Variants in KIFAP3 observed in about 807,000 individuals in gnomAD.
The protein encoded by KIFAP3 is kinesin associated protein 3, also known as kinesin-associated protein 3.
Under a neutral mutation model 106.5 loss-of-function variants are expected in KIFAP3, and 68 were observed. That is an observed-to-expected ratio of 0.64 (90% CI 0.53 to 0.78). The LOEUF (loss-of-function observed/expected upper bound fraction) is 0.78. KIFAP3 is among the 30% of genes least tolerant of loss of function. The pLI is 0.00. For synonymous variants in KIFAP3, 320 were observed against 311.5 expected (o/e 1.03, Z -0.29); for missense variants, 780 against 941.8 (o/e 0.83, Z 2.25).
intron 10 of KIFAP3, among the ~76,000 whole-genome samples, chr1:170,004,352 A>T (rs1388702559): frequency 6.6e-6 from 1 of 152,188 alleles, no homozygotes; most frequent in African/African-American, 2.4e-5. Context: ...ATTGGAAAAA[A>T]CTACTTTAAA....
At chr1:169,953,162 G>A (rs1233655362) in intron 19 of KIFAP3, among the ~76,000 whole-genome samples, 4 of 151,994 alleles carry the variant, frequency 2.6e-5, no homozygotes, top group Admixed American at 1.3e-4. Flanking sequence ...ACTTTCTGGC[G>A]AGATTTTAAA....
chr1:170,006,486 G>T (rs539310861), intron 10 of KIFAP3, among the ~76,000 whole-genome samples: 2 of 152,116 alleles, frequency 1.3e-5, no homozygotes, highest in South Asian at 4.1e-4. Context: ...GGTGGGTGGT[G>T]CACAGGTAGT....
intron 9 of KIFAP3, among the ~76,000 whole-genome samples, chr1:170,020,582 G>C (rs1668759783): frequency 6.6e-6 from 1 of 152,054 alleles, no homozygotes; most frequent in South Asian, 2.1e-4. Context: ...CGAGTAGCTG[G>C]GACTACAGGT....
In KIFAP3 at chr1:169,999,091, C is replaced by T. The variant is rs139451933; in HGVS notation, c.1184-6836G>A. ...AATTTGCAGATCACATAGCAATAAACAGCTATTAGAGAGATTAAATGGTCT... is the reference window on the plus strand; with the variant it reads ...AATTTGCAGATCACATAGCAATAAATAGCTATTAGAGAGATTAAATGGTCT... On this transcript the variant is annotated intron_variant, in intron 10 of 19. Transcript: ENST00000361580. Among the ~76,000 whole-genome samples the T allele has an allele frequency of 2.9e-3, 440 of 152,188 alleles. 1 individual carries two copies. The Middle Eastern group carries it at 0.044, about 15-fold the overall frequency.
chr1:169,950,643 C>T (rs1402193646), intron 19 of KIFAP3, among the ~76,000 whole-genome samples: 1 of 152,036 alleles, frequency 6.6e-6, no homozygotes, highest in Admixed American at 6.6e-5. Flanking sequence ...ATTAAGTCTG[C>T]TTATTCTCAT....
chr1:170,072,536 A>G (rs1352889892), intron 1 of KIFAP3, among the ~76,000 whole-genome samples: 1 of 152,220 alleles, frequency 6.6e-6, no homozygotes, highest in African/African-American at 2.4e-5. Context: ...GGCAAGTTCC[A>G]GATAAAGGAA....
At chr1:169,996,516 T>C (rs1470579762) in intron 10 of KIFAP3, among the ~76,000 whole-genome samples, 1 of 151,978 alleles carries the variant, frequency 6.6e-6, no homozygotes, top group African/African-American at 2.4e-5. Context: ...ATTAAAGGGG[T>C]AGGTATTATC....
rs545710149 is a variant in KIFAP3, at chr1:169,929,395, T to C, written c.2274-7614A>G. Among the ~76,000 whole-genome samples the C allele has an allele frequency of 3.3e-5, 5 of 152,276 alleles. No individual in the cohort carries two copies. The South Asian group carries it at 8.3e-4, about 25-fold the overall frequency. ...GTCTTGAACACTGAAAAATGTAACA[T>C]GCATGCATGTTAAAGTGCTATTACT... is the stretch of plus-strand genomic sequence containing the variant. On this transcript the variant is annotated intron_variant, in intron 19 of 19. Coordinates refer to ENST00000361580, the MANE Select transcript of KIFAP3 (RefSeq NM_014970.4).
intron 9 of KIFAP3, among the ~76,000 whole-genome samples, chr1:170,017,577 A>G (rs1325102492): frequency 6.6e-6 from 1 of 151,932 alleles, no homozygotes; most frequent in Non-Finnish European, 1.5e-5. Flanking sequence ...GACTGGCAGA[A>G]GGCTATAAGA....
rs946828589 is a variant in KIFAP3, at chr1:169,921,601, G to A, written c.*75C>T. The A allele has an allele frequency of 2.7e-6, 3 of 1,119,114 alleles. No homozygotes were observed. Among genetic ancestry groups the A allele is most frequent in the Non-Finnish European group, 4.0e-6 (3 of 745,864 alleles). 69.3% of individuals were successfully genotyped at this position (1,119,114 alleles called of 1,614,324 possible). A position where few individuals can be genotyped will look rare whatever the true frequency, so the allele number is the denominator to read the frequency against. ...ACAATAACATCAACATGCATTATTA[G>A]GCAAAGATCCAAAATTAACCCAACC... On this transcript the variant is annotated 3_prime_UTR_variant, in exon 20 of 20. Transcript: ENST00000361580.
intron 19 of KIFAP3, among the ~76,000 whole-genome samples, chr1:169,933,699 C>G (rs1185748410): frequency 6.6e-6 from 1 of 152,042 alleles, no homozygotes; most frequent in African/African-American, 2.4e-5. Flanking sequence ...GAAACACTAT[C>G]TTTTTTCTTC....
At chr1:170,032,084 T>C in intron 7 of KIFAP3, 100 bp from the exon 8 acceptor site, 3 of 671,310 alleles carry the variant, frequency 4.5e-6, no homozygotes, top group East Asian at 5.1e-5. Flanking sequence ...TGTGCAACTT[T>C]ATCCAGTTAT....
intron 16 of KIFAP3, among the ~76,000 whole-genome samples, chr1:169,973,657 T>G (rs1476631718): frequency 6.6e-6 from 1 of 151,830 alleles, no homozygotes; most frequent in Non-Finnish European, 1.5e-5. Context: ...GACTACAGAC[T>G]TCTCATTGGC....
chr1:169,975,905 T>A (rs990920676), intron 16 of KIFAP3, among the ~76,000 whole-genome samples: 3 of 152,210 alleles, frequency 2.0e-5, no homozygotes, highest in Non-Finnish European at 4.4e-5. Flanking sequence ...TGCACCATTA[T>A]CAACATGTTA....
rs537413138 is a variant in KIFAP3 at position 169,970,207 on chromosome 1, T to G, written c.1983+2306A>C. On this transcript the variant is annotated intron_variant, in intron 17 of 19. Transcript: ENST00000361580. Reference sequence around the variant, plus strand: ...ATAGGCTTCTCTCTCCTTGCCTTCCTGCTCCTCTTTGTACCTACACCATTC... The same window carrying G: ...ATAGGCTTCTCTCTCCTTGCCTTCCGGCTCCTCTTTGTACCTACACCATTC... Among the ~76,000 whole-genome samples, 6 of 152,178 alleles carry G rather than the reference T, an allele frequency of 3.9e-5. No individual in the cohort carries two copies. The South Asian group carries it at 1.2e-3, about 32-fold the overall frequency.
intron 1 of KIFAP3, among the ~76,000 whole-genome samples, chr1:170,064,510 T>G (rs1473240895): frequency 6.6e-6 from 1 of 152,080 alleles, no homozygotes; most frequent in Non-Finnish European, 1.5e-5. Context: ...TGCACCACCA[T>G]GCCCAGCTAA....
intron 14 of KIFAP3, among the ~76,000 whole-genome samples, chr1:169,982,303 A>G (rs1026676019): frequency 1.3e-5 from 2 of 152,160 alleles, no homozygotes; most frequent in Non-Finnish European, 2.9e-5. Flanking sequence ...GGGGCAGTAG[A>G]AAAGTGGAAA....
chr1:169,998,452 T>G (rs1232528939), intron 10 of KIFAP3, among the ~76,000 whole-genome samples: 1 of 151,586 alleles, frequency 6.6e-6, no homozygotes, highest in Non-Finnish European at 1.5e-5. Flanking sequence ...CACACTTTTT[T>G]TTTTTCTTGA....
At chr1:170,000,612 C>T (rs1472590157) in intron 10 of KIFAP3, among the ~76,000 whole-genome samples, 1 of 152,102 alleles carries the variant, frequency 6.6e-6, no homozygotes, top group Non-Finnish European at 1.5e-5. Flanking sequence ...TATATCAGAA[C>T]ATCTTTGATA....
Sources: gnomAD v4.1 joint callset for allele counts (sites outside exome capture counted in the v4.1 genomes callset) on GRCh38, gnomAD v4.1.1 for gene constraint, MANE v1.5 for transcripts, NCBI Gene and HGNC (gene_info 2026-07-23, HGNC 2026-07-21) for gene names.